Variants in ZNF385D observed in about 807,000 individuals in gnomAD.
ZNF385D encodes zinc finger protein 385D.
A neutral mutation model predicts 35.8 loss-of-function variants in ZNF385D; 15 were observed. The ratio of observed to expected loss-of-function variants is 0.42; its 90% CI spans 0.28 to 0.64. ZNF385D has a LOEUF of 0.64. ZNF385D is among the 30% of genes least tolerant of loss of function. The probability of loss-of-function intolerance (pLI) is 0.23; values close to 1 mark genes in which losing one functional copy is unlikely to be tolerated. For missense variants in ZNF385D, 474 were observed against 494.6 expected (o/e 0.96, Z 0.39); for synonymous variants, 212 against 186.8 (o/e 1.13, Z -1.10).
At chr3:22,279,489 A>AC (rs1180032080) in intron 2 of ZNF385D, among the ~76,000 whole-genome samples, 4 of 105,030 alleles carry the variant, frequency 3.8e-5, no homozygotes, top group African/African-American at 1.5e-4. Context: ...ATATATATGG[A>AC]ATATACATAT....
chr3:22,006,326 T>G (rs1679254), intron 3 of ZNF385D, among the ~76,000 whole-genome samples: 88,462 of 151,894 alleles, frequency 0.58, 27,988 homozygotes, highest in Non-Finnish European at 0.71. Context: ...TTCCTAGTTG[T>G]ACAAAAATCT....
rs1197326954 is a variant in ZNF385D at position 21,810,982 on chromosome 3, G to GTGTGTC, written c.326-145955_326-145954insGACACA. ...TATGTGTGTGTATACGTGTGTGTGT[G>GTGTGTC]TGTGTGTGTGTGTGTGTATATATAT... On this transcript the variant is annotated intron_variant, in intron 3 of 5. Transcript: ENST00000494108. Among the ~76,000 whole-genome samples, 43 of 93,156 alleles carry GTGTGTC rather than the reference G, an allele frequency of 4.6e-4. 1 individual carries two copies. The highest frequency in any genetic ancestry group is 8.6e-4 in the Non-Finnish European group (37 of 43,050). The allele number at this position is 93,156 out of a possible 152,430, so 61.1% of individuals were successfully genotyped here. A position where few individuals can be genotyped will look rare whatever the true frequency, so the allele number is the denominator to read the frequency against.
chr3:21,761,673 G>T (rs1348235175), intron 3 of ZNF385D, among the ~76,000 whole-genome samples: 1 of 152,218 alleles, frequency 6.6e-6, no homozygotes, highest in Non-Finnish European at 1.5e-5. Context: ...AAGAGTGCAT[G>T]TCAACTCTCA....
At chr3:22,175,342 T>C (rs1283423540) in intron 2 of ZNF385D, among the ~76,000 whole-genome samples, 3 of 152,142 alleles carry the variant, frequency 2.0e-5, no homozygotes, top group South Asian at 4.1e-4. Flanking sequence ...AGAAAAATAC[T>C]GTACTCATGT....
chr3:22,249,374 G>T (rs1185763960), intron 2 of ZNF385D, among the ~76,000 whole-genome samples: 1 of 152,086 alleles, frequency 6.6e-6, no homozygotes, highest in East Asian at 1.9e-4. Context: ...TTGTTACACG[G>T]TTCATCAGAA....
chr3:22,183,991 C>T (rs1264377406), intron 2 of ZNF385D, among the ~76,000 whole-genome samples: 1 of 152,088 alleles, frequency 6.6e-6, no homozygotes, highest in African/African-American at 2.4e-5. Flanking sequence ...ATGAGTTTCA[C>T]TTTGTCAGTA....
intron 3 of ZNF385D, among the ~76,000 whole-genome samples, chr3:21,831,053 G>A (rs1279778924): frequency 3.3e-5 from 5 of 152,152 alleles, no homozygotes; most frequent in Non-Finnish European, 5.9e-5. Context: ...AGCGAGACTG[G>A]AGACTGAATA....
intron 2 of ZNF385D, among the ~76,000 whole-genome samples, chr3:22,194,475 T>G (rs866693529): frequency 2.6e-5 from 4 of 151,976 alleles, no homozygotes; most frequent in African/African-American, 9.7e-5. Flanking sequence ...TTTTAAAATC[T>G]TATTTTTCCA....
chr3:22,187,494 A>G (rs555766619), intron 2 of ZNF385D, among the ~76,000 whole-genome samples: 1 of 151,954 alleles, frequency 6.6e-6, no homozygotes, highest in South Asian at 2.1e-4. Context: ...ACACAGATAC[A>G]CACACACACA....
chr3:21,432,308 G>C (rs1559442240), intron 5 of ZNF385D, among the ~76,000 whole-genome samples: 1 of 152,046 alleles, frequency 6.6e-6, no homozygotes, highest in Non-Finnish European at 1.5e-5. Context: ...TAAGGCAAAA[G>C]TTTAGAACCC....
chr3:21,917,583 T>A (rs1328285163), intron 3 of ZNF385D, among the ~76,000 whole-genome samples: 1 of 152,228 alleles, frequency 6.6e-6, no homozygotes, highest in Admixed American at 6.5e-5. Flanking sequence ...AAGAGTTTCA[T>A]GTACTGAAGC....
upstream of ZNF385D, among the ~76,000 whole-genome samples, chr3:21,753,467 T>C (rs989905779): frequency 6.6e-6 from 1 of 152,196 alleles, no homozygotes; most frequent in Non-Finnish European, 1.5e-5. Flanking sequence ...CCTGGTAGTA[T>C]ACCCCAAAAA....
At position 22,339,122 on chromosome 3, in the gene ZNF385D, A is replaced by T. The variant is rs1695308229; in HGVS notation, c.106+33328T>A. On this transcript the variant is annotated intron_variant, in intron 2 of 5. Coordinates refer to the ZNF385D transcript ENST00000494108. ...ATGCACATTTTATATGCATGTTTTA[A>T]AGCATGTGCTCCTGTACGCTGCCTT... 2.0e-5 allele frequency among the ~76,000 whole-genome samples: 3 copies of T among 152,190 alleles called. No homozygotes were observed. The South Asian group carries it at 6.2e-4, about 32-fold the overall frequency.
chr3:22,195,666 G>A (rs560467775), intron 2 of ZNF385D, among the ~76,000 whole-genome samples: 4 of 152,046 alleles, frequency 2.6e-5, no homozygotes, highest in South Asian at 2.1e-4. Context: ...AAAGCATGAC[G>A]ATGCCAGTTG....
At chr3:21,578,516 A>G (rs1023425083) in intron 2 of ZNF385D, among the ~76,000 whole-genome samples, 1 of 152,106 alleles carries the variant, frequency 6.6e-6, no homozygotes, top group African/African-American at 2.4e-5. Flanking sequence ...ATATATGGGG[A>G]GAGATAGGGG....
chr3:22,093,344 A>G (rs1323046951), intron 3 of ZNF385D, among the ~76,000 whole-genome samples: 1 of 151,750 alleles, frequency 6.6e-6, no homozygotes, highest in African/African-American at 2.4e-5. Context: ...GGATACAAAT[A>G]AAATATTATT....
chr3:21,443,372 A>G, intron 4 of ZNF385D: 2 of 984,566 alleles, frequency 2.0e-6, no homozygotes, highest in Non-Finnish European at 2.4e-6. Flanking sequence ...ATTTAGATAT[A>G]TGGCATATAG....
intron 3 of ZNF385D, among the ~76,000 whole-genome samples, chr3:22,132,505 T>C (rs1372637329): frequency 6.6e-6 from 1 of 152,072 alleles, no homozygotes; most frequent in African/African-American, 2.4e-5. Flanking sequence ...AAGAATAAGA[T>C]ATAGGTAAGT....
chr3:21,870,020 C>A (rs1355515463), intron 3 of ZNF385D, among the ~76,000 whole-genome samples: 1 of 151,580 alleles, frequency 6.6e-6, no homozygotes, highest in African/African-American at 2.4e-5. Context: ...TTTTAAAAAA[C>A]AACTTTCTCA....
Sources: allele counts gnomAD v4.1 joint callset (sites outside exome capture counted in the v4.1 genomes callset), GRCh38; gene constraint gnomAD v4.1.1; transcripts MANE v1.5; gene names NCBI Gene and HGNC (gene_info 2026-07-23, HGNC 2026-07-21).